PCDHAC1: variants seen among roughly 807,000 people sequenced by gnomAD.
PCDHAC1 encodes protocadherin alpha-C1.
PCDHAC1 carries 42 observed loss-of-function variants against 60.0 expected under a neutral mutation model. The ratio of observed to expected loss-of-function variants is 0.70; its 90% CI spans 0.55 to 0.90. PCDHAC1 has a LOEUF of 0.90. PCDHAC1 is among the 40% of genes least tolerant of loss of function. The pLI is 0.00. For missense variants in PCDHAC1, 1,160 were observed against 1,222.3 expected, an observed-to-expected ratio of 0.95 and a Z score of 0.76; for synonymous variants, 468 against 499.3, an observed-to-expected ratio of 0.94 and a Z score of 0.84.
At chr5:140,935,004 T>C (rs574626430) in intron 1 of PCDHAC1, among the ~76,000 whole-genome samples, 1 of 152,340 alleles carries the variant, frequency 6.6e-6, no homozygotes, top group African/African-American at 2.4e-5. Flanking sequence ...ATCCTTTTCA[T>C]GTGAGTCTTA....
chr5:140,968,371 C>T (rs1554230646), intron 1 of PCDHAC1: 3 of 1,614,088 alleles, frequency 1.9e-6, no homozygotes, highest in Non-Finnish European at 2.5e-6. Context: ...ATGCTGTCAA[C>T]TCCTTTGACT....
At chr5:140,941,220 TTTC>T (rs2092903024) in intron 1 of PCDHAC1, among the ~76,000 whole-genome samples, 1 of 131,326 alleles carries the variant, frequency 7.6e-6, no homozygotes, top group Non-Finnish European at 1.6e-5. Flanking sequence ...TCTTCCTTTC[TTTC>T]TTTCTTTCTT....
chr5:140,979,355 T>C (rs1437499560), intron 2 of PCDHAC1, among the ~76,000 whole-genome samples: 6 of 152,206 alleles, frequency 3.9e-5, no homozygotes, highest in African/African-American at 1.4e-4. Flanking sequence ...TTAATACTCA[T>C]GCTTTGAGAC....
At chr5:140,934,533 C>T (rs1418320473) in intron 1 of PCDHAC1, among the ~76,000 whole-genome samples, 5 of 152,086 alleles carry the variant, frequency 3.3e-5, no homozygotes, top group African/African-American at 4.8e-5. Flanking sequence ...CGAGAGCTAC[C>T]GTTCTAATTC....
At chr5:140,953,911 AG>A (rs1554221121) in intron 1 of PCDHAC1, among the ~76,000 whole-genome samples, 1 of 152,120 alleles carries the variant, frequency 6.6e-6, no homozygotes, top group South Asian at 2.1e-4. Flanking sequence ...AGCATCCATT[AG>A]GTATTCTTCC....
intron 1 of PCDHAC1, among the ~76,000 whole-genome samples, chr5:140,944,732 G>A (rs1351639657): frequency 6.6e-6 from 1 of 152,142 alleles, no homozygotes; most frequent in Non-Finnish European, 1.5e-5. Context: ...ACCTTAGTAA[G>A]TCTGAGCATT....
Position 140,928,057 on chromosome 5 carries a change from G to A in PCDHAC1, c.1165G>A (p.Ala389Thr). ...TAGTGCAGGCCCTTTTCAGCTGACG[G>A]CTTCCTTTGACAACTACTACAGCCT... ...MSSAGPFQLT[A>T]SFDNYYSLLI... is the part of the protein sequence containing the mutation. The change falls in exon 1 of 4, where the codon GCT becomes ACT. Residue 389 changes from alanine to threonine, a missense_variant. This residue lies in a region of PCDHAC1 where 1,113 missense variants were observed against 1,163.7 expected (regional missense o/e 0.96). Transcript: ENST00000253807. The A allele has an allele frequency of 6.2e-7, 1 of 1,614,178 alleles. No homozygotes were observed.
chr5:141,008,654 C>T (rs1554261865), intron 3 of PCDHAC1, among the ~76,000 whole-genome samples: 1 of 152,124 alleles, frequency 6.6e-6, no homozygotes, highest in Non-Finnish European at 1.5e-5. Context: ...TTCTGGAGTC[C>T]CACAATACTT....
intron 1 of PCDHAC1, among the ~76,000 whole-genome samples, chr5:140,975,967 A>C (rs2096692306): frequency 6.6e-6 from 1 of 152,176 alleles, no homozygotes; most frequent in African/African-American, 2.4e-5. Context: ...TCACCAATAG[A>C]AAGTAAGCAT....
chr5:140,989,563 C>A (rs1399360475), intron 3 of PCDHAC1, among the ~76,000 whole-genome samples: 1 of 152,118 alleles, frequency 6.6e-6, no homozygotes, highest in Non-Finnish European at 1.5e-5. Flanking sequence ...TTTTGTGGCT[C>A]CGGCAAGCCC....
intron 1 of PCDHAC1, chr5:140,968,053 A>C: frequency 6.2e-7 from 1 of 1,614,154 alleles, no homozygotes; most frequent in Non-Finnish European, 8.5e-7. Flanking sequence ...CACTGGACCG[A>C]GAGCGGGTGG....
chr5:141,010,368 C>T lies in PCDHAC1; in HGVS notation c.*431C>T, dbSNP rs368481822. ...GGTATGTGTGGCTACCGCGGGTATG[C>T]GAGTGCCAGATATTGGCTGAGACGA... On this transcript the variant is annotated 3_prime_UTR_variant, in exon 4 of 4. Coordinates refer to ENST00000253807, the MANE Select transcript of PCDHAC1 (RefSeq NM_018898.5). The T allele has an allele frequency of 8.2e-6, 12 of 1,470,936 alleles. No homozygotes were observed. The East Asian group carries it at 1.7e-4, about 21-fold the overall frequency. 91.1% of individuals were successfully genotyped at this position (1,470,936 alleles called of 1,614,324 possible). A position where few individuals can be genotyped will look rare whatever the true frequency, so the allele number is the denominator to read the frequency against.
At chr5:140,993,337 G>A (rs2097550534) in intron 3 of PCDHAC1, among the ~76,000 whole-genome samples, 1 of 151,924 alleles carries the variant, frequency 6.6e-6, no homozygotes, top group African/African-American at 2.4e-5. Context: ...GTGATTTGAA[G>A]GGCACTACGA....
At chr5:140,941,095 A>C (rs2092727620) in intron 1 of PCDHAC1, among the ~76,000 whole-genome samples, 1 of 152,062 alleles carries the variant, frequency 6.6e-6, no homozygotes, top group South Asian at 2.1e-4. Flanking sequence ...TAGTTTTCAC[A>C]TACTATTACT....
At position 141,010,922 on chromosome 5, in the gene PCDHAC1, A is replaced by G. The variant is rs1263879494; in HGVS notation, c.*985A>G. The G allele has an allele frequency of 5.2e-5, 8 of 153,814 alleles. No homozygotes were observed. Among genetic ancestry groups the G allele is most frequent in the African/African-American group, 1.9e-4 (8 of 41,474 alleles). The allele number at this position is 153,814 out of a possible 1,614,324, so 9.5% of individuals were successfully genotyped here. A position where few individuals can be genotyped will look rare whatever the true frequency, so the allele number is the denominator to read the frequency against. ...TTCCCCTAAACTCTCCTCAAAAGAG[A>G]ATTCAGTCTACAGCCATTTAAATGA... On this transcript the variant is annotated 3_prime_UTR_variant, in exon 4 of 4. Transcript: ENST00000253807.
chr5:140,929,713 G>A (rs1328262633), intron 1 of PCDHAC1: 3 of 235,294 alleles, frequency 1.3e-5, no homozygotes, highest in Non-Finnish European at 2.6e-5. Flanking sequence ...TAATATGGAA[G>A]GTGAAACATT....
chr5:140,939,466 AT>A (rs1364092543), intron 1 of PCDHAC1, among the ~76,000 whole-genome samples: 31 of 152,168 alleles, frequency 2.0e-4, no homozygotes, highest in African/African-American at 7.5e-4. Flanking sequence ...TAGGCCTAGA[AT>A]TCTCTTCATG....
chr5:140,967,595 G>A, intron 1 of PCDHAC1: 1 of 1,614,168 alleles, frequency 6.2e-7, no homozygotes, highest in Non-Finnish European at 8.5e-7. Context: ...CACATTGGTG[G>A]TGAAGCTGAA....
intron 3 of PCDHAC1, 79 bp downstream of exon 3, chr5:140,982,642 G>T: frequency 6.5e-7 from 1 of 1,529,982 alleles, no homozygotes; most frequent in Non-Finnish European, 8.8e-7. Flanking sequence ...GATCAGGAAT[G>T]TTGATGGCTC....
Sources: gnomAD v4.1 joint callset for allele counts (sites outside exome capture counted in the v4.1 genomes callset) on GRCh38, gnomAD v4.1.1 for gene constraint, gnomAD v4.1.1 regional missense constraint, MANE v1.5 for transcripts, NCBI Gene and HGNC (gene_info 2026-07-23, HGNC 2026-07-21) for gene names.